The following DLGAP2 variants were observed in gnomAD, a reference collection of about 807,000 sequenced individuals.
DLGAP2 encodes DLG associated protein 2, also known as disks large-associated protein 2.
In DLGAP2, 26 loss-of-function variants were observed where a neutral mutation model predicts 100.3. The ratio of observed to expected loss-of-function variants is 0.26; its 90% CI spans 0.19 to 0.36. DLGAP2 has a LOEUF of 0.36. Among genes scored for constraint, DLGAP2 ranks in the 10% least tolerant of loss-of-function variants. The probability of loss-of-function intolerance (pLI) is 1.00; values close to 1 mark genes in which losing one functional copy is unlikely to be tolerated. For synonymous variants in DLGAP2, 886 were observed against 630.1 expected (o/e 1.41, Z -6.08); for missense variants, 1,858 against 1,453.2 (o/e 1.28, Z -4.53).
At chr8:903,791 T>A (rs568718902) in intron 1 of DLGAP2, among the ~76,000 whole-genome samples, 22 of 152,310 alleles carry the variant, frequency 1.4e-4, no homozygotes, top group African/African-American at 4.8e-4. Context: ...AATAGAGTCT[T>A]GGGGGAAACC....
intron 2 of DLGAP2, among the ~76,000 whole-genome samples, chr8:1,222,643 G>A (rs372759966): frequency 6.6e-6 from 1 of 152,058 alleles, no homozygotes; most frequent in Admixed American, 6.6e-5. Context: ...GTACACGGTG[G>A]GGGGAGGCTG....
At chr8:1,367,382 C>T (rs1353224203) in intron 3 of DLGAP2, among the ~76,000 whole-genome samples, 2 of 152,236 alleles carry the variant, frequency 1.3e-5, no homozygotes, top group Non-Finnish European at 2.9e-5. Flanking sequence ...GTTCCTGTCT[C>T]TCTGGGAAAA....
rs2129018923 is a variant in DLGAP2 at position 1,004,344 on chromosome 8, C to G, written c.73+96378C>G. 1.3e-5 allele frequency among the ~76,000 whole-genome samples: 2 copies of G among 152,318 alleles called. 1 individual carries two copies. The highest frequency in any genetic ancestry group is 4.1e-4 in the South Asian group (2 of 4,832). On this transcript the variant is annotated intron_variant, in intron 2 of 14. Transcript: ENST00000637795. ...TGGCCACTTTAATTTTGTCTTTTAT[C>G]TTCATAAATTTGGTAAGCTACAGTG...
At chr8:1,471,728 G>C (rs915098754) in intron 3 of DLGAP2, among the ~76,000 whole-genome samples, 2 of 152,138 alleles carry the variant, frequency 1.3e-5, no homozygotes, top group Non-Finnish European at 2.9e-5. Context: ...TCAGCAGCTG[G>C]TGACGGACCA....
chr8:1,129,748 C>A (rs1796246619), intron 2 of DLGAP2, among the ~76,000 whole-genome samples: 2 of 152,148 alleles, frequency 1.3e-5, no homozygotes, highest in African/African-American at 2.4e-5. Context: ...TAACCTGAAT[C>A]CTACGTTTTA....
intron 3 of DLGAP2, among the ~76,000 whole-genome samples, chr8:1,269,201 T>C (rs1293440984): frequency 1.3e-5 from 2 of 152,160 alleles, no homozygotes; most frequent in Non-Finnish European, 2.9e-5. Context: ...TTCTCCTGGA[T>C]TTTCTTGATT....
At chr8:776,618 C>A (rs918353679) in intron 1 of DLGAP2, among the ~76,000 whole-genome samples, 5 of 152,242 alleles carry the variant, frequency 3.3e-5, no homozygotes, top group Admixed American at 2.0e-4. Context: ...CCCAGTAGTC[C>A]TTCAGGAGCA....
intron 3 of DLGAP2, among the ~76,000 whole-genome samples, chr8:1,331,471 A>T (rs911618901): frequency 6.6e-6 from 1 of 151,048 alleles, no homozygotes; most frequent in African/African-American, 2.4e-5. Flanking sequence ...CAAACAACAG[A>T]CTCCTCCTGC....
intron 3 of DLGAP2, among the ~76,000 whole-genome samples, chr8:1,284,196 G>T (rs933279704): frequency 6.6e-6 from 1 of 152,248 alleles, no homozygotes; most frequent in Non-Finnish European, 1.5e-5. Flanking sequence ...AAAGGGCTCT[G>T]TGGTTGCCAG....
chr8:1,283,285 C>T (rs113946931), intron 3 of DLGAP2, among the ~76,000 whole-genome samples: 67 of 91,860 alleles, frequency 7.3e-4, no homozygotes, highest in Middle Eastern at 9.8e-3. Flanking sequence ...GGACGTGGTG[C>T]GACCTGAACC....
Position 822,544 on chromosome 8 carries a change from CAG to C in DLGAP2, c.18+84724_18+84725del, listed in dbSNP as rs1463103176. ...ATGTTGAGAAATTCGGGAGGCCTGA[CAG>C]AGAGTAGGAGCAGGGCCACGTCACT... On this transcript the variant is annotated intron_variant, in intron 1 of 14. Coordinates refer to ENST00000637795, the MANE Select transcript of DLGAP2 (RefSeq NM_001346810.2). Among the ~76,000 whole-genome samples the C allele has an allele frequency of 2.6e-5, 4 of 152,320 alleles. No homozygotes were observed. The South Asian group carries it at 6.2e-4, about 24-fold the overall frequency.
intron 3 of DLGAP2, among the ~76,000 whole-genome samples, chr8:1,428,983 C>T (rs1006819101): frequency 3.9e-5 from 6 of 152,284 alleles, no homozygotes; most frequent in African/African-American, 1.4e-4. Context: ...AACTTAGGCA[C>T]ATTAAAATTC....
At chr8:1,430,671 A>T (rs1285472678) in intron 3 of DLGAP2, among the ~76,000 whole-genome samples, 65 of 152,210 alleles carry the variant, frequency 4.3e-4, no homozygotes, top group Admixed American at 4.3e-3. Context: ...CCTGCCTTTC[A>T]TACTTTCTTG....
At chr8:1,220,504 A>C (rs2116810371) in intron 2 of DLGAP2, among the ~76,000 whole-genome samples, 1 of 152,278 alleles carries the variant, frequency 6.6e-6, no homozygotes, top group Non-Finnish European at 1.5e-5. Flanking sequence ...CAATTTGTTG[A>C]GAATGGCTGT....
Position 1,252,618 on chromosome 8 carries a change from G to A in DLGAP2, c.74-6233G>A, listed in dbSNP as rs866475370. 4.6e-5 allele frequency among the ~76,000 whole-genome samples: 7 copies of A among 152,396 alleles called. No individual in the cohort carries two copies. In the South Asian group the frequency reaches 1.2e-3, roughly 27 times the overall value. On this transcript the variant is annotated intron_variant, in intron 2 of 14. Transcript: ENST00000637795. The stretch of plus-strand genomic sequence containing the variant: ...ACATCAATTGCTTGCATGAGTGAGT[G>A]CCTATTCACATATTCTTGACAAAGA...
intron 3 of DLGAP2, among the ~76,000 whole-genome samples, chr8:1,418,335 A>G (rs1009104169): frequency 1.3e-5 from 2 of 152,242 alleles, no homozygotes; most frequent in African/African-American, 4.8e-5. Flanking sequence ...ACATGAAAAT[A>G]TTCAACTTTA....
chr8:1,155,154 G>A (rs1242900501), intron 2 of DLGAP2, among the ~76,000 whole-genome samples: 1 of 152,312 alleles, frequency 6.6e-6, no homozygotes, highest in African/African-American at 2.4e-5. Context: ...CGGCTGGCCG[G>A]GTCCCGTGTC....
intron 1 of DLGAP2, among the ~76,000 whole-genome samples, chr8:865,876 C>T (rs1319516696): frequency 2.0e-5 from 3 of 152,158 alleles, no homozygotes; most frequent in Non-Finnish European, 4.4e-5. Context: ...CACAGCAGGG[C>T]AGTAGGGAAC....
At chr8:1,653,110 G>C (rs9694339) in intron 8 of DLGAP2, among the ~76,000 whole-genome samples, 24,637 of 152,214 alleles carry the variant, frequency 0.16, 2,091 homozygotes, top group South Asian at 0.33. Flanking sequence ...TGAAGAAGGA[G>C]TGCCCAGTTG....
Sources: gnomAD v4.1 joint callset for allele counts (sites outside exome capture counted in the v4.1 genomes callset) on GRCh38, gnomAD v4.1.1 for gene constraint, MANE v1.5 for transcripts, NCBI Gene and HGNC (gene_info 2026-07-23, HGNC 2026-07-21) for gene names.